Variants in CTNND2 observed in about 807,000 individuals in gnomAD.
The protein encoded by CTNND2 is catenin delta-2.
A neutral mutation model predicts 144.4 loss-of-function variants in CTNND2; 22 were observed. The ratio of observed to expected loss-of-function variants is 0.15; its 90% CI spans 0.11 to 0.22. CTNND2 has a LOEUF of 0.22. CTNND2 is among the 10% of genes least tolerant of loss of function. The pLI, the probability that CTNND2 is intolerant of heterozygous loss-of-function variation, is 1.00. For synonymous variants in CTNND2, 751 were observed against 695.6 expected, an observed-to-expected ratio of 1.08 and a Z score of -1.25; for missense variants, 1,353 against 1,618.8, an observed-to-expected ratio of 0.84 and a Z score of 2.82.
At chr5:10,994,188 G>C (rs1739023026) in intron 18 of CTNND2, among the ~76,000 whole-genome samples, 1 of 139,316 alleles carries the variant, frequency 7.2e-6, no homozygotes, top group Admixed American at 7.5e-5. Context: ...ATTCTAACAA[G>C]TGCTTGGAAG....
intron 2 of CTNND2, among the ~76,000 whole-genome samples, chr5:11,698,367 A>T (rs932113298): frequency 9.9e-5 from 15 of 151,074 alleles, no homozygotes; most frequent in African/African-American, 3.6e-4. Flanking sequence ...CGGCCCCCTG[A>T]AACCTCCGCC....
intron 3 of CTNND2, among the ~76,000 whole-genome samples, chr5:11,453,958 T>C (rs1765503741): frequency 1.3e-5 from 2 of 152,308 alleles, no homozygotes; most frequent in African/African-American, 4.8e-5. Context: ...GTTACAGAAA[T>C]ACAAATTTAT....
chr5:11,111,113 G>GA, intron 13 of CTNND2, 70 bp from the exon 14 acceptor site: 7 of 1,488,510 alleles, frequency 4.7e-6, no homozygotes, highest in Non-Finnish European at 5.5e-6. Context: ...CTTCCACCTG[G>GA]AAAGGCCTCT....
chr5:11,179,484 T>G lies in CTNND2; in HGVS notation c.1976-19725A>C, dbSNP rs189957621. Among the ~76,000 whole-genome samples the G allele has an allele frequency of 8.0e-4, 122 of 152,234 alleles. 1 individual carries two copies. In the East Asian group the frequency reaches 9.7e-3, roughly 12 times the overall value. On this transcript the variant is annotated intron_variant, in intron 11 of 21. Coordinates refer to ENST00000304623, the MANE Select transcript of CTNND2 (RefSeq NM_001332.4). ...ATCCACCCACCTCAGCCTCCCAAAG[T>G]GCTGGGATTACAGGCATAAGCCACT...
intron 16 of CTNND2, among the ~76,000 whole-genome samples, chr5:11,046,363 C>T (rs1164827819): frequency 6.6e-6 from 1 of 152,176 alleles, no homozygotes; most frequent in Non-Finnish European, 1.5e-5. Context: ...AGCAAATCAG[C>T]AGAAGCGAGG....
intron 1 of CTNND2, among the ~76,000 whole-genome samples, chr5:11,760,115 A>C (rs1294682267): frequency 6.6e-6 from 1 of 152,046 alleles, no homozygotes; most frequent in Non-Finnish European, 1.5e-5. Flanking sequence ...CATAGGTAAA[A>C]TAATTAATAT....
rs1340023954 is a variant in CTNND2 at position 10,988,494 on chromosome 5, T to C, written c.3212-252A>G. Reference sequence around the variant, plus strand: ...TGGAGGCTGGCAACTGGGGACCACATCCTGGGGCCATCTTCCTCAGAGAGA... The same window carrying C: ...TGGAGGCTGGCAACTGGGGACCACACCCTGGGGCCATCTTCCTCAGAGAGA... On this transcript the variant is annotated intron_variant, in intron 19 of 21. Coordinates refer to ENST00000304623, the MANE Select transcript of CTNND2 (RefSeq NM_001332.4). This position sits in a 1 kb window ranked among gnomAD's most constrained non-coding sequence, Gnocchi z 5.9. Among the ~76,000 whole-genome samples, 1 of 152,168 alleles carries C rather than the reference T, an allele frequency of 6.6e-6. No homozygotes were observed. Among genetic ancestry groups the C allele is most frequent in the Non-Finnish European group, 1.5e-5 (1 of 68,022 alleles).
intron 1 of CTNND2, among the ~76,000 whole-genome samples, chr5:11,812,156 C>T (rs1792369548): frequency 6.6e-6 from 1 of 152,068 alleles, no homozygotes; most frequent in Non-Finnish European, 1.5e-5. Context: ...ACCATAAACA[C>T]AAAGAAATTA....
chr5:11,074,715 G>A (rs1561262713), intron 16 of CTNND2, among the ~76,000 whole-genome samples: 1 of 152,140 alleles, frequency 6.6e-6, no homozygotes, highest in African/African-American at 2.4e-5. Context: ...TTCTCACTAA[G>A]TAAAGACCTG....
chr5:11,796,935 T>C (rs1218114320), intron 1 of CTNND2, among the ~76,000 whole-genome samples: 1 of 152,202 alleles, frequency 6.6e-6, no homozygotes, highest in Non-Finnish European at 1.5e-5. Context: ...ACTATTATTG[T>C]CTTTGATGGA....
chr5:11,354,410 A>G (rs376916972), intron 8 of CTNND2, among the ~76,000 whole-genome samples: 1 of 152,220 alleles, frequency 6.6e-6, no homozygotes, highest in African/African-American at 2.4e-5. Context: ...TTAGCTGGCT[A>G]AGGGCCTTAA....
intron 1 of CTNND2, among the ~76,000 whole-genome samples, chr5:11,809,572 T>C (rs904669225): frequency 4.6e-5 from 7 of 152,166 alleles, no homozygotes; most frequent in African/African-American, 1.7e-4. Flanking sequence ...GGGAGAGGAA[T>C]AACTGAGTCA....
intron 1 of CTNND2, among the ~76,000 whole-genome samples, chr5:11,800,308 G>A (rs1309312129): frequency 1.3e-5 from 2 of 152,002 alleles, no homozygotes; most frequent in African/African-American, 2.4e-5. Context: ...GATTCAATAC[G>A]ATATGGTTTA....
At chr5:11,790,840 T>C (rs890310217) in intron 1 of CTNND2, among the ~76,000 whole-genome samples, 49 of 152,230 alleles carry the variant, frequency 3.2e-4, no homozygotes, top group African/African-American at 1.0e-3. Context: ...CACATAGCAA[T>C]TGTCACAGAA....
chr5:11,587,520 T>C (rs1348331827), intron 2 of CTNND2, among the ~76,000 whole-genome samples: 1 of 151,968 alleles, frequency 6.6e-6, no homozygotes, highest in African/African-American at 2.4e-5. Context: ...AACATGAAAA[T>C]ATGTTTCTGA....
At chr5:11,275,040 G>A (rs954224676) in intron 9 of CTNND2, among the ~76,000 whole-genome samples, 1 of 152,146 alleles carries the variant, frequency 6.6e-6, no homozygotes, top group Non-Finnish European at 1.5e-5. Context: ...TGGAGGAGAT[G>A]ATTCAAATTC....
chr5:11,447,529 G>C (rs1042419498), intron 3 of CTNND2, among the ~76,000 whole-genome samples: 3 of 152,138 alleles, frequency 2.0e-5, no homozygotes, highest in African/African-American at 7.2e-5. Flanking sequence ...ATTCAAAATA[G>C]TGAACAATCT....
intron 3 of CTNND2, among the ~76,000 whole-genome samples, chr5:11,476,634 A>G (rs1471563449): frequency 6.6e-6 from 1 of 152,206 alleles, no homozygotes; most frequent in Non-Finnish European, 1.5e-5. Context: ...TTTGCTATTC[A>G]GTATGGAAAT....
intron 15 of CTNND2, among the ~76,000 whole-genome samples, chr5:11,087,081 T>C (rs1236346734): frequency 6.6e-6 from 1 of 152,236 alleles, no homozygotes; most frequent in East Asian, 1.9e-4. Context: ...TAAATAATCA[T>C]TTGTGCATTA....
Sources: gnomAD v4.1 joint callset for allele counts (sites outside exome capture counted in the v4.1 genomes callset) on GRCh38, gnomAD v4.1.1 for gene constraint, Gnocchi (gnomAD v3.1) non-coding constraint, MANE v1.5 for transcripts, NCBI Gene and HGNC (gene_info 2026-07-23, HGNC 2026-07-21) for gene names.